Variants in SLC38A6 observed in about 807,000 individuals in gnomAD.
SLC38A6 encodes the protein solute carrier family 38 member 6.
A neutral mutation model predicts 65.0 loss-of-function variants in SLC38A6; 73 were observed. That is an observed-to-expected ratio of 1.12 (90% CI 0.93 to 1.37). SLC38A6 has a LOEUF of 1.37. Among genes scored for constraint, SLC38A6 ranks in the 40% most tolerant of loss-of-function variants. SLC38A6 has a pLI of 0.00. For missense variants in SLC38A6, 561 were observed against 531.1 expected (o/e 1.06, Z -0.55); for synonymous variants, 183 against 178.8 (o/e 1.02, Z -0.19).
In SLC38A6 at chr14:61,052,610, C is replaced by A; in HGVS notation, c.*181C>A. ...TGGCAGTTTTAATCAAAAAAAGAAA[C>A]AAACTCGAAATGCTCTTAAATATAT... On this transcript the variant is annotated 3_prime_UTR_variant, in exon 16 of 16. Coordinates refer to ENST00000267488, the MANE Select transcript of SLC38A6 (RefSeq NM_153811.3). 2 of 765,564 alleles carry A rather than the reference C, an allele frequency of 2.6e-6. No individual in the cohort carries two copies. Among genetic ancestry groups the A allele is most frequent in the Non-Finnish European group, 3.6e-6 (2 of 557,844 alleles). 47.4% of individuals were successfully genotyped at this position (765,564 alleles called of 1,614,324 possible).
intron 14 of SLC38A6, 28 bp from the exon 15 acceptor site, chr14:61,052,013 C>T (rs1383612949): frequency 2.9e-5 from 46 of 1,597,714 alleles, no homozygotes; most frequent in South Asian, 4.6e-5. Flanking sequence ...CAGCAATATC[C>T]TCTCTTTTTT....
At chr14:61,023,813 G>A (rs2040472351) in intron 5 of SLC38A6, among the ~76,000 whole-genome samples, 1 of 151,844 alleles carries the variant, frequency 6.6e-6, no homozygotes, top group South Asian at 2.1e-4. Context: ...ATCAATATTT[G>A]TTTCATGTGT....
At chr14:60,995,950 C>T (rs1182332095) in intron 3 of SLC38A6, among the ~76,000 whole-genome samples, 1 of 152,122 alleles carries the variant, frequency 6.6e-6, no homozygotes, top group Non-Finnish European at 1.5e-5. Context: ...ATAAAGTGGA[C>T]ACGTGTCATT....
At chr14:60,993,188 T>A (rs965883174) in intron 3 of SLC38A6, among the ~76,000 whole-genome samples, 1 of 152,154 alleles carries the variant, frequency 6.6e-6, no homozygotes, top group African/African-American at 2.4e-5. Flanking sequence ...GGTGCTGTTT[T>A]AAGAGATTTG....
At chr14:61,073,220 G>T (rs1301413177) in intron 15 of SLC38A6, among the ~76,000 whole-genome samples, 1 of 152,024 alleles carries the variant, frequency 6.6e-6, no homozygotes, top group East Asian at 1.9e-4. Context: ...CCCATTTTTT[G>T]ATTGGATTAT....
Position 61,037,747 on chromosome 14 carries a change from T to C in SLC38A6, c.624+64T>C, listed in dbSNP as rs1049838266. Reference sequence around the variant, plus strand: ...AAAATTGGACTCATTGTGTTAGTCTTTTTTACTTTTAACTGTTTTGTGTTG... The same window carrying C: ...AAAATTGGACTCATTGTGTTAGTCTCTTTTACTTTTAACTGTTTTGTGTTG... On this transcript the variant is annotated intron_variant, in intron 8 of 15. Transcript: ENST00000267488. 7 of 1,115,106 alleles carry C rather than the reference T, an allele frequency of 6.3e-6. No individual in the cohort carries two copies. The South Asian group carries it at 1.1e-4, about 17-fold the overall frequency. The allele number at this position is 1,115,106 out of a possible 1,614,324, so 69.1% of individuals were successfully genotyped here. A position where few individuals can be genotyped will look rare whatever the true frequency, so the allele number is the denominator to read the frequency against.
chr14:61,030,418 A>G (rs1180494310), intron 5 of SLC38A6, 27 bp from the exon 6 acceptor site: 1 of 1,522,552 alleles, frequency 6.6e-7, no homozygotes, highest in East Asian at 2.3e-5. Flanking sequence ...TAGAATTCTA[A>G]TAGGAACACT....
chr14:61,074,797 G>A (rs1157326811), intron 15 of SLC38A6, among the ~76,000 whole-genome samples: 6 of 148,362 alleles, frequency 4.0e-5, no homozygotes, highest in Admixed American at 3.4e-4. Context: ...GCTGCTTGAT[G>A]CAGCTGTCAC....
chr14:61,053,023 C>T (rs2042587700), downstream of SLC38A6: 1 of 151,980 alleles, frequency 6.6e-6, no homozygotes, highest in African/African-American at 2.4e-5. Context: ...GTTTTCTGCT[C>T]CTCTCCCTCC....
intron 15 of SLC38A6, among the ~76,000 whole-genome samples, chr14:61,061,025 A>G (rs2042818463): frequency 6.6e-6 from 1 of 151,602 alleles, no homozygotes; most frequent in African/African-American, 2.4e-5. Context: ...ACTGTCTGGC[A>G]CTCCCTAGTG....
chr14:61,075,777 T>TTGTGTGTGTGTGTGTG (rs57421102), intron 15 of SLC38A6, among the ~76,000 whole-genome samples: 1 of 123,302 alleles, frequency 8.1e-6, no homozygotes, highest in Non-Finnish European at 1.7e-5. Context: ...ATCAACCTGT[T>TTGTGTGTGTGTGTGTG]TGTGTGTGTG....
chr14:60,992,802 T>G (rs2038005398), intron 3 of SLC38A6, among the ~76,000 whole-genome samples: 1 of 151,894 alleles, frequency 6.6e-6, no homozygotes, highest in Admixed American at 6.6e-5. Flanking sequence ...TTCTCATGTC[T>G]CAGCCCTCTG....
At chr14:61,043,292 G>T (rs1490603759) in intron 9 of SLC38A6, 80 bp downstream of exon 9, 3 of 1,132,352 alleles carry the variant, frequency 2.6e-6, no homozygotes, top group Non-Finnish European at 3.8e-6. Context: ...ATTCTTTTCT[G>T]ATTGATGAAA....
chr14:61,017,006 A>G (rs1344242545), intron 4 of SLC38A6, among the ~76,000 whole-genome samples: 1 of 152,138 alleles, frequency 6.6e-6, no homozygotes, highest in African/African-American at 2.4e-5. Context: ...TGGAAAGAAA[A>G]CCTGTATTTA....
In SLC38A6 at chr14:61,030,480, C is replaced by A; in HGVS notation, c.439C>A (p.Leu147Ile). 6.2e-7 allele frequency: 1 copy of A among 1,610,904 alleles called. No homozygotes were observed. Among genetic ancestry groups the A allele is most frequent in the Non-Finnish European group, 8.5e-7 (1 of 1,178,536 alleles). The change falls in exon 6 of 16, where the codon CTT becomes ATT. Residue 147 changes from leucine to isoleucine, a missense_variant. Physicochemically the swap from Leu to Ile is conservative, Grantham distance 5 (BLOSUM62 2). Transcript: ENST00000267488. ...TTATCTTTTAATTATTAAAACAGAG[C>A]TTCCTGCTGCTATTGCAGAATTTTT... ...SSYLLIIKTELPAAIAEFLTG... is the reference protein window; with the variant it reads ...SSYLLIIKTEIPAAIAEFLTG...
chr14:61,069,717 TC>T (rs2043161466), intron 15 of SLC38A6, among the ~76,000 whole-genome samples: 1 of 152,230 alleles, frequency 6.6e-6, no homozygotes, highest in African/African-American at 2.4e-5. Flanking sequence ...GTAAGATTTT[TC>T]GTATTTTTTT....
At chr14:61,015,823 TA>T in intron 3 of SLC38A6, 80 bp from the exon 4 acceptor site, 1 of 1,060,944 alleles carries the variant, frequency 9.4e-7, no homozygotes, top group Non-Finnish European at 1.4e-6. Flanking sequence ...ATTTAGTTTG[TA>T]GTAGGACCTG....
At chr14:61,041,976 T>A (rs1226925344) in intron 8 of SLC38A6, among the ~76,000 whole-genome samples, 3 of 152,280 alleles carry the variant, frequency 2.0e-5, no homozygotes, top group Middle Eastern at 3.4e-3. Context: ...TTTGTTGTTG[T>A]TGTTTTTCTT....
intron 13 of SLC38A6, 86 bp from the exon 14 acceptor site, chr14:61,051,701 T>A: frequency 2.0e-6 from 3 of 1,486,920 alleles, no homozygotes; most frequent in Admixed American, 4.0e-5. Flanking sequence ...GGCAAAAATA[T>A]CATGGTTGTT....
Sources: gnomAD v4.1 joint callset for allele counts (sites outside exome capture counted in the v4.1 genomes callset) on GRCh38, gnomAD v4.1.1 for gene constraint, MANE v1.5 for transcripts, NCBI Gene and HGNC (gene_info 2026-07-23, HGNC 2026-07-21) for gene names.